AP4B1: variants seen among roughly 807,000 people sequenced by gnomAD.
The protein encoded by AP4B1 is adaptor related protein complex 4 subunit beta 1, also known as AP-4 complex subunit beta-1.
Under a neutral mutation model 76.5 loss-of-function variants are expected in AP4B1, and 49 were observed. The ratio of observed to expected loss-of-function variants is 0.64; its 90% CI spans 0.51 to 0.81. AP4B1 has a LOEUF of 0.81. Ranked by LOEUF, AP4B1 falls within the 40% of genes least tolerant of loss-of-function variation. The pLI, the probability that AP4B1 is intolerant of heterozygous loss-of-function variation, is 0.00. For synonymous variants in AP4B1, 330 were observed against 333.3 expected, an observed-to-expected ratio of 0.99 and a Z score of 0.11; for missense variants, 911 against 904.9, an observed-to-expected ratio of 1.01 and a Z score of -0.09.
chr1:113,902,925 T>G (rs1199139398), intron 1 of AP4B1, 63 bp from the exon 2 acceptor site: 1 of 1,462,128 alleles, frequency 6.8e-7, no homozygotes, highest in African/African-American at 1.4e-5. Flanking sequence ...ATGGAGGGAG[T>G]TTTACTTACA....
chr1:113,899,724 A>C, intron 5 of AP4B1, 180 bp downstream of exon 5: 2 of 994,580 alleles, frequency 2.0e-6, no homozygotes, highest in Non-Finnish European at 3.0e-6. Context: ...ACCAAAAAAA[A>C]ACAAAAAACA....
In AP4B1 at chr1:113,895,307, C is replaced by A; in HGVS notation, c.1978G>T (p.Ala660Ser). Residue 660 changes from alanine (A) to serine (S), a missense_variant, in exon 10 of 10, where the codon GCT becomes TCT. Coordinates refer to ENST00000369569, the MANE Select transcript of AP4B1 (RefSeq NM_001253852.3). The part of the protein sequence containing the change: ...GEFHPDTLQM[A>S]LQVVNIQTIA... ...GTCTGGATGTTCACTACTTGAAGAGCCATCTGGAGGGTGTCAGGATGGAAT... is the reference window on the plus strand; with the variant it reads ...GTCTGGATGTTCACTACTTGAAGAGACATCTGGAGGGTGTCAGGATGGAAT... 6.2e-7 allele frequency: 1 copy of A among 1,614,178 alleles called. No homozygotes were observed. The highest frequency in any genetic ancestry group is 1.1e-5 in the South Asian group (1 of 91,080).
chr1:113,899,856 T>C (rs776455574), intron 5 of AP4B1, 48 bp downstream of exon 5: 1 of 1,614,068 alleles, frequency 6.2e-7, no homozygotes, highest in South Asian at 1.1e-5. Context: ...CACAGTTTTC[T>C]TGCTGGCTGG....
At position 113,895,044 on chromosome 1, in the gene AP4B1, T is replaced by C. The variant is rs1486501383; in HGVS notation, c.*21A>G. ...AGTGTAATAGTTATTCATCTTACTC[T>C]AGACAAGCAACAAGACTCTGTTATG... On this transcript the variant is annotated 3_prime_UTR_variant, in exon 10 of 10. Transcript: ENST00000369569. 1 of 1,608,368 alleles carries C rather than the reference T, an allele frequency of 6.2e-7. No homozygotes were observed. The highest frequency in any genetic ancestry group is 1.1e-5 in the South Asian group (1 of 90,382).
chr1:113,900,645 A>G, intron 4 of AP4B1: 1 of 551,954 alleles, frequency 1.8e-6, no homozygotes, highest in East Asian at 3.3e-5. Flanking sequence ...ATCAGCATAC[A>G]CTGGGTCCAG....
chr1:113,902,627 AG>A lies in AP4B1; in HGVS notation c.338+10del. The A allele has an allele frequency of 6.2e-7, 1 of 1,611,686 alleles. No homozygotes were observed. The highest frequency in any genetic ancestry group is 1.1e-5 in the South Asian group (1 of 90,986). On this transcript the variant is annotated intron_variant, in intron 2 of 9. Transcript: ENST00000369569. ...AGCCATTTAGGACCAGACAGAGAAG[AG>A]GGTACTCACCTGAGGCTACACATGC...
chr1:113,904,301 A>T (rs1192150655), intron 1 of AP4B1, among the ~76,000 whole-genome samples: 2 of 152,206 alleles, frequency 1.3e-5, no homozygotes, highest in African/African-American at 4.8e-5. Flanking sequence ...GCACGTGGAA[A>T]TGCCAAGCAG....
At chr1:113,905,024 C>G, upstream of AP4B1, 1 of 419,448 alleles carries the variant, frequency 2.4e-6, no homozygotes. Flanking sequence ...GCGCCGCGTC[C>G]GACTGACCGC....
In AP4B1 at chr1:113,896,009, G is replaced by A. The variant is rs767220480; in HGVS notation, c.1540C>T (p.Arg514Ter). Residue 514 changes from arginine (R) to a stop codon, truncating the protein, a stop_gained, in exon 9 of 10, where the codon CGA becomes TGA. Transcript: ENST00000369569. LOFTEE classifies it high-confidence loss of function. Reference protein sequence around the residue: ...EEEKDMAVRDRGLFYYRLLLV... With the variant: ...EEEKDMAVRD The stretch of plus-strand genomic sequence containing the variant: ...AGGAGGCGATAATAGAAGAGACCTC[G>A]GTCCCGTACAGCCATATCTTTTTCT... 13 of 1,614,040 alleles carry A rather than the reference G, an allele frequency of 8.1e-6. No individual in the cohort carries two copies. The Admixed American group carries it at 8.3e-5, about 10-fold the overall frequency.
chr1:113,899,027 A>G, intron 5 of AP4B1: 3 of 1,197,050 alleles, frequency 2.5e-6, no homozygotes, highest in South Asian at 3.6e-5. Flanking sequence ...GAAAGCTCAT[A>G]GCAAAACAAT....
intron 4 of AP4B1, 71 bp from the exon 5 acceptor site, chr1:113,900,471 T>C (rs1558090653): frequency 1.3e-6 from 2 of 1,563,190 alleles, no homozygotes; most frequent in Non-Finnish European, 1.7e-6. Flanking sequence ...CACTGCCATA[T>C]GACCAGGTGG....
Position 113,901,078 on chromosome 1 carries a change from G to A in AP4B1, c.617+158C>T. The A allele has an allele frequency of 2.8e-6, 3 of 1,076,918 alleles. No homozygotes were observed. In the South Asian group the frequency reaches 4.4e-5, roughly 16 times the overall value. The allele number at this position is 1,076,918 out of a possible 1,614,324, so 66.7% of individuals were successfully genotyped here. On this transcript the variant is annotated intron_variant, in intron 4 of 9. Coordinates refer to ENST00000369569, the MANE Select transcript of AP4B1 (RefSeq NM_001253852.3). The stretch of plus-strand genomic sequence containing the variant: ...GCCGAGATAGCGCCATTGCACTCCA[G>A]CTTAGACAACAAGAGCAAAACTCCG...
chr1:113,896,412 A>G lies in AP4B1; in HGVS notation c.1356T>C (p.Asn452=), dbSNP rs144215222. 1.1e-5 allele frequency: 17 copies of G among 1,614,122 alleles called. No homozygotes were observed. The highest frequency in any genetic ancestry group is 1.4e-5 in the Non-Finnish European group (16 of 1,180,046). The change falls in exon 8 of 10, where the codon AAT becomes AAC. Residue 452 remains asparagine (N), a synonymous_variant. Coordinates refer to ENST00000369569, the MANE Select transcript of AP4B1 (RefSeq NM_001253852.3). ...CAAAGTCCTCTAACACATAAGGAGC[A>G]TTAGGAATTCTTTCCCCATGGACAC... is the stretch of plus-strand genomic sequence containing the variant. The part of the protein sequence containing the change: ...LLGVHGERIP[N]APYVLEDFVE...
At chr1:113,902,370 C>CA (rs376516195) in intron 2 of AP4B1, among the ~76,000 whole-genome samples, 3 of 151,606 alleles carry the variant, frequency 2.0e-5, no homozygotes, top group Non-Finnish European at 4.4e-5. Context: ...GCACAGGCAG[C>CA]AAAAAAAGAT....
chr1:113,904,460 G>T, intron 1 of AP4B1, 145 bp downstream of exon 1: 1 of 798,974 alleles, frequency 1.3e-6, no homozygotes, highest in Non-Finnish European at 2.3e-6. Flanking sequence ...GACTGACATG[G>T]TACTCCAAAG....
chr1:113,903,803 T>G (rs1668612669), intron 1 of AP4B1, among the ~76,000 whole-genome samples: 1 of 152,198 alleles, frequency 6.6e-6, no homozygotes, highest in South Asian at 2.1e-4. Context: ...CTTTATTGTT[T>G]CTCAGACTGG....
In AP4B1 at chr1:113,895,209, C is replaced by A; in HGVS notation, c.2076G>T (p.Leu692=). The A allele has an allele frequency of 6.2e-7, 1 of 1,614,184 alleles. No homozygotes were observed. The highest frequency in any genetic ancestry group is 8.5e-7 in the Non-Finnish European group (1 of 1,180,034). ...YLSAQDDTGC[L]FLTELLLEPG... ...GCTCCAATAGCAGTTCTGTTAAGAA[C>A]AGACAGCCAGTATCATCCTGAGCAC... The change falls in exon 10 of 10, where the codon CTG becomes CTT. Residue 692 remains leucine (L), a synonymous_variant. Coordinates refer to ENST00000369569, the MANE Select transcript of AP4B1 (RefSeq NM_001253852.3).
intron 9 of AP4B1, 47 bp from the exon 10 acceptor site, chr1:113,895,539 G>C: frequency 6.2e-7 from 1 of 1,609,286 alleles, no homozygotes; most frequent in Admixed American, 1.7e-5. Context: ...TAATCTGTAG[G>C]AGCTAAGTTT....
chr1:113,895,277 C>T lies in AP4B1; in HGVS notation c.2008G>A (p.Ala670Thr), dbSNP rs528147130. Residue 670 changes from alanine (A) to threonine (T), a missense_variant, in exon 10 of 10, where the codon GCA (alanine) becomes ACA (threonine). By Grantham distance (58) the Ala-to-Thr change is moderately conservative. Coordinates refer to ENST00000369569, the MANE Select transcript of AP4B1 (RefSeq NM_001253852.3). ...ALQVVNIQTIAMSRAGSRPWK... is the reference protein window; with the variant it reads ...ALQVVNIQTITMSRAGSRPWK... ...GGCCGAGACCCAGCCCTACTCATTG[C>T]GATGGTCTGGATGTTCACTACTTGA... 11 of 1,614,160 alleles carry T rather than the reference C, an allele frequency of 6.8e-6. No individual in the cohort carries two copies. The highest frequency in any genetic ancestry group is 8.5e-6 in the Non-Finnish European group (10 of 1,180,026).
Sources: gnomAD v4.1 joint callset for allele counts (sites outside exome capture counted in the v4.1 genomes callset) on GRCh38, gnomAD v4.1.1 for gene constraint, MANE v1.5 for transcripts, NCBI Gene and HGNC (gene_info 2026-07-23, HGNC 2026-07-21) for gene names.